SPMIP2: variants seen among roughly 807,000 people sequenced by gnomAD.
SPMIP2 encodes the protein protein SPMIP2.
chr4:158,979,789 G>GTTTTTTTTTTTTTTTTTT, the SPMIP2 span, among the ~76,000 whole-genome samples: 3 of 104,510 alleles, frequency 2.9e-5, no homozygotes, highest in African/African-American at 4.2e-5. Flanking sequence ...AGTTGCAAGA[G>GTTTTTTTTTTTTTTTTTT]TTTTTTTTTT....
chr4:159,053,776 CT>C, the SPMIP2 span, among the ~76,000 whole-genome samples: 1 of 151,744 alleles, frequency 6.6e-6, no homozygotes, highest in Non-Finnish European at 1.5e-5. Flanking sequence ...TCTTCTTTTT[CT>C]TTCTTTCCTT....
chr4:158,963,286 GT>G, the SPMIP2 span, among the ~76,000 whole-genome samples: 150,120 of 151,126 alleles, frequency 0.99, 74,562 homozygotes, highest in East Asian at 1. Context: ...AGGTAGTTTT[GT>G]TTTTTTTTTG....
the SPMIP2 span, among the ~76,000 whole-genome samples, chr4:158,976,545 A>G: frequency 2.0e-5 from 3 of 151,320 alleles, no homozygotes; most frequent in Non-Finnish European, 2.9e-5. Context: ...TGAGATAATC[A>G]TGTTGTTTTT....
At chr4:158,958,174 A>T in the SPMIP2 span, among the ~76,000 whole-genome samples, 4 of 151,524 alleles carry the variant, frequency 2.6e-5, 1 homozygote, top group East Asian at 3.9e-4. Flanking sequence ...AATTTTTAAA[A>T]TTTTTCTTGT....
At chr4:158,978,806 T>A in the SPMIP2 span, among the ~76,000 whole-genome samples, 1 of 152,212 alleles carries the variant, frequency 6.6e-6, no homozygotes, top group South Asian at 2.1e-4. Flanking sequence ...TGAGCCTATG[T>A]GTGTCTTTGC....
chr4:159,046,868 C>A, the SPMIP2 span, among the ~76,000 whole-genome samples: 1 of 152,224 alleles, frequency 6.6e-6, no homozygotes, highest in Non-Finnish European at 1.5e-5. Flanking sequence ...CAACTACGCC[C>A]AGCCCTTCAG....
chr4:159,076,527 T>C, the SPMIP2 span, among the ~76,000 whole-genome samples: 127 of 152,208 alleles, frequency 8.3e-4, 2 homozygotes, highest in East Asian at 0.017. Context: ...TAAAAGCATG[T>C]TATTTTCATT....
the SPMIP2 span, among the ~76,000 whole-genome samples, chr4:159,039,387 C>T: frequency 6.6e-6 from 1 of 152,030 alleles, no homozygotes; most frequent in Non-Finnish European, 1.5e-5. Flanking sequence ...GGAGATGGGG[C>T]CTGAACTAAG....
chr4:158,973,044 G>T, the SPMIP2 span: 1 of 1,304,362 alleles, frequency 7.7e-7, no homozygotes, highest in Non-Finnish European at 1.1e-6. Context: ...TTAGAAAACA[G>T]TATACTATGA....
At chr4:158,903,635 A>G in the SPMIP2 span, among the ~76,000 whole-genome samples, 6 of 152,138 alleles carry the variant, frequency 3.9e-5, no homozygotes, top group Admixed American at 3.9e-4. Context: ...CAGGGCCAGT[A>G]GCACTAAAAG....
At chr4:159,066,552 T>A in the SPMIP2 span, among the ~76,000 whole-genome samples, 2 of 150,062 alleles carry the variant, frequency 1.3e-5, no homozygotes, top group African/African-American at 4.9e-5. Context: ...ATTACATATA[T>A]CCTATATATG....
the SPMIP2 span, among the ~76,000 whole-genome samples, chr4:158,932,750 G>A: frequency 6.6e-6 from 1 of 152,156 alleles, no homozygotes; most frequent in African/African-American, 2.4e-5. Context: ...TGGGTACAGG[G>A]CTTCTCAAAG....
the SPMIP2 span, among the ~76,000 whole-genome samples, chr4:158,924,774 C>T: frequency 3.2e-4 from 49 of 151,482 alleles, no homozygotes; most frequent in Admixed American, 7.9e-4. Context: ...CTTCCCAAGT[C>T]GCTGAGACTC....
chr4:158,910,676 T>C, the SPMIP2 span, among the ~76,000 whole-genome samples: 1 of 152,182 alleles, frequency 6.6e-6, no homozygotes, highest in Admixed American at 6.5e-5. Flanking sequence ...ATTCAACCTG[T>C]TGAAAGTCTT....
chr4:158,927,014 C>CA, the SPMIP2 span, among the ~76,000 whole-genome samples: 1 of 152,074 alleles, frequency 6.6e-6, no homozygotes, highest in Non-Finnish European at 1.5e-5. Context: ...ATTAAATTTA[C>CA]AAAAAATGTG....
the SPMIP2 span, among the ~76,000 whole-genome samples, chr4:158,977,153 T>C: frequency 6.6e-6 from 1 of 152,172 alleles, no homozygotes; most frequent in Non-Finnish European, 1.5e-5. Context: ...TTGTTTGGAA[T>C]AGTTTCAGAA....
chr4:159,065,829 T>C, the SPMIP2 span, among the ~76,000 whole-genome samples: 4 of 152,204 alleles, frequency 2.6e-5, no homozygotes, highest in Non-Finnish European at 5.9e-5. Flanking sequence ...CCAAGAGTCA[T>C]TGAGATTTTG....
At chr4:159,042,769 TC>T in the SPMIP2 span, among the ~76,000 whole-genome samples, 1 of 152,098 alleles carries the variant, frequency 6.6e-6, no homozygotes, top group Admixed American at 6.6e-5. Context: ...TTCAAGTGAT[TC>T]TTGTTCCTCA....
chr4:159,070,216 T>C, the SPMIP2 span, among the ~76,000 whole-genome samples: 87 of 152,282 alleles, frequency 5.7e-4, 1 homozygote, highest in East Asian at 0.014. Context: ...TCTGCAATAT[T>C]TTGTGCCATC....
Sources: gnomAD v4.1 joint callset for allele counts (sites outside exome capture counted in the v4.1 genomes callset) on GRCh38, gnomAD v4.1.1 for gene constraint, MANE v1.5 for transcripts, NCBI Gene and HGNC (gene_info 2026-07-23, HGNC 2026-07-21) for gene names.